The following SPNS3 variants were observed in gnomAD, a reference collection of about 807,000 sequenced individuals.
The protein encoded by SPNS3 is SPNS lysolipid transporter 3, sphingosine-1-phosphate (putative).
Under a neutral mutation model 54.4 loss-of-function variants are expected in SPNS3, and 51 were observed. The observed-to-expected ratio is 0.94, with a 90% CI of 0.75 to 1.18. SPNS3 has a LOEUF of 1.18. Ranked by LOEUF, SPNS3 falls within the 50% of genes most tolerant of loss-of-function variation. The probability of loss-of-function intolerance (pLI) is 0.00; values close to 1 mark genes in which losing one functional copy is unlikely to be tolerated. For synonymous variants in SPNS3, 309 were observed against 294.7 expected (o/e 1.05, Z -0.50); for missense variants, 669 against 677.4 (o/e 0.99, Z 0.14).
At chr17:4,456,461 A>G (rs1415987406) in intron 8 of SPNS3, among the ~76,000 whole-genome samples, 1 of 152,214 alleles carries the variant, frequency 6.6e-6, no homozygotes, top group African/African-American at 2.4e-5. Flanking sequence ...TCTCTTCTGC[A>G]CGTGCTCTTA....
intron 8 of SPNS3, among the ~76,000 whole-genome samples, chr17:4,477,168 G>C (rs1355811766): frequency 6.6e-6 from 1 of 152,254 alleles, no homozygotes; most frequent in Non-Finnish European, 1.5e-5. Flanking sequence ...CACGGCGTGG[G>C]GGGTGGGGGG....
In SPNS3 at chr17:4,453,216, G is replaced by A. The variant is rs201321679; in HGVS notation, c.1113+11G>A. ...CTGCTGGCCTCCTATGTAAGTGAGA[G>A]CCTCTATGGAGGTGGGGACAGGGTT... On this transcript the variant is annotated intron_variant, in intron 8 of 11. Transcript: ENST00000355530. 1 of 1,607,956 alleles carries A rather than the reference G, an allele frequency of 6.2e-7. No individual in the cohort carries two copies. Among genetic ancestry groups the A allele is most frequent in the South Asian group, 1.1e-5 (1 of 90,808 alleles).
chr17:4,480,716 G>GT (rs1327308337), intron 9 of SPNS3, among the ~76,000 whole-genome samples: 1 of 152,162 alleles, frequency 6.6e-6, no homozygotes, highest in African/African-American at 2.4e-5. Flanking sequence ...CAGCTGCACA[G>GT]TTTTACCCAT....
chr17:4,464,855 AT>A (rs1971636428), intron 8 of SPNS3, among the ~76,000 whole-genome samples: 1 of 151,758 alleles, frequency 6.6e-6, no homozygotes, highest in Admixed American at 6.6e-5. Flanking sequence ...GACTTTTGGT[AT>A]TTTTAGTAGA....
chr17:4,478,590 G>T lies in SPNS3; in HGVS notation c.1132G>T (p.Glu378Ter), dbSNP rs1972074483. 2 of 1,583,386 alleles carry T rather than the reference G, an allele frequency of 1.3e-6. No individual in the cohort carries two copies. The highest frequency in any genetic ancestry group is 2.3e-5 in the East Asian group (1 of 43,926). ...LASYVFLGLGELLLSCNWAVV... is the reference protein window; with the variant it reads ...LASYVFLGLG ...TCCACAGGTGTTCCTGGGCCTTGGG[G>T]AGCTGCTTCTGTCCTGCAACTGGGC... Residue 378 changes from glutamate to a stop codon, truncating the protein, a stop_gained, in exon 9 of 12, where the codon GAG becomes TAG. Transcript: ENST00000355530. LOFTEE classifies it high-confidence loss of function.
At chr17:4,435,584 C>T (rs998678414) in intron 1 of SPNS3, among the ~76,000 whole-genome samples, 1 of 151,838 alleles carries the variant, frequency 6.6e-6, no homozygotes, top group Non-Finnish European at 1.5e-5. Context: ...AGGCAGAGGC[C>T]CCCAGGTTCT....
chr17:4,435,980 C>T (rs960874369), intron 1 of SPNS3, among the ~76,000 whole-genome samples: 3 of 151,976 alleles, frequency 2.0e-5, no homozygotes, highest in African/African-American at 7.3e-5. Flanking sequence ...TCCACTTGCT[C>T]TTCTCTTCTT....
chr17:4,467,773 C>G (rs1376448328), intron 8 of SPNS3, among the ~76,000 whole-genome samples: 1 of 152,192 alleles, frequency 6.6e-6, no homozygotes, highest in Non-Finnish European at 1.5e-5. Context: ...TCAAGTGATT[C>G]TTCTGCCTCA....
chr17:4,446,941 G>C lies in SPNS3; in HGVS notation c.600G>C (p.Gly200=). Residue 200 remains glycine (G), a synonymous_variant, in exon 5 of 12, where the codon GGG becomes GGC. Coordinates refer to ENST00000355530, the MANE Select transcript of SPNS3 (RefSeq NM_182538.5). ...GGTCGGCTGTGACGATGCTGACTGGGAACTGGCGCTGGGCCCTCCGAGTGA... is the reference window on the plus strand; with the variant it reads ...GGTCGGCTGTGACGATGCTGACTGGCAACTGGCGCTGGGCCCTCCGAGTGA... ...VLGSAVTMLT[G]NWRWALRVMP... The C allele has an allele frequency of 6.2e-7, 1 of 1,614,118 alleles. No individual in the cohort carries two copies. Among genetic ancestry groups the C allele is most frequent in the Non-Finnish European group, 8.5e-7 (1 of 1,180,008 alleles).
chr17:4,458,010 C>T (rs1021028684), intron 8 of SPNS3, among the ~76,000 whole-genome samples: 2 of 152,032 alleles, frequency 1.3e-5, no homozygotes, highest in African/African-American at 2.4e-5. Context: ...GATGCCATCC[C>T]GCCCCCACCC....
intron 8 of SPNS3, among the ~76,000 whole-genome samples, chr17:4,459,356 CATTT>C (rs1302260494): frequency 6.6e-6 from 1 of 152,090 alleles, no homozygotes; most frequent in African/African-American, 2.4e-5. Context: ...TGTTTGTATT[CATTT>C]GTTTATTCAA....
At chr17:4,448,007 G>T (rs1971043057) in intron 5 of SPNS3, 148 bp from the exon 6 acceptor site, 5 of 658,020 alleles carry the variant, frequency 7.6e-6, no homozygotes, top group Non-Finnish European at 1.2e-5. Flanking sequence ...GTGGATACCA[G>T]CATCCAGGAA....
intron 8 of SPNS3, 106 bp from the exon 9 acceptor site, chr17:4,478,466 C>T (rs1972069416): frequency 9.9e-7 from 1 of 1,009,954 alleles, no homozygotes; most frequent in Non-Finnish European, 1.5e-6. Context: ...TCAATAATGC[C>T]TTTCTCTGTA....
chr17:4,450,500 A>G (rs1971134606), intron 7 of SPNS3, among the ~76,000 whole-genome samples: 1 of 151,292 alleles, frequency 6.6e-6, no homozygotes, highest in Non-Finnish European at 1.5e-5. Context: ...TGCAGCCTCG[A>G]CCTCCCAGGC....
chr17:4,465,460 G>T (rs529443025), intron 8 of SPNS3, among the ~76,000 whole-genome samples: 1 of 152,230 alleles, frequency 6.6e-6, no homozygotes, highest in South Asian at 2.1e-4. Context: ...ATGCGCAGTG[G>T]CTCATGCTTG....
intron 8 of SPNS3, 146 bp from the exon 9 acceptor site, chr17:4,478,426 C>A: frequency 1.4e-6 from 1 of 694,372 alleles, no homozygotes; most frequent in Non-Finnish European, 2.4e-6. Flanking sequence ...AAAAATAGTT[C>A]TAGGCCTTCC....
chr17:4,434,322 G>A (rs563681886), intron 1 of SPNS3, among the ~76,000 whole-genome samples, 156 bp downstream of exon 1: 2 of 152,258 alleles, frequency 1.3e-5, no homozygotes, highest in Non-Finnish European at 1.5e-5. Flanking sequence ...AGCTGTGCTC[G>A]AATCGGGGAG....
chr17:4,480,053 T>C (rs1402366302), intron 9 of SPNS3, among the ~76,000 whole-genome samples: 2 of 152,252 alleles, frequency 1.3e-5, no homozygotes, highest in East Asian at 3.8e-4. Context: ...AAACCCTGCT[T>C]GAATACTACT....
At position 4,446,164 on chromosome 17, in the gene SPNS3, G is replaced by T. The variant is rs751319324; in HGVS notation, c.519G>T (p.Val173=). The T allele has an allele frequency of 6.2e-7, 1 of 1,613,042 alleles. No individual in the cohort carries two copies. The highest frequency in any genetic ancestry group is 8.5e-7 in the Non-Finnish European group (1 of 1,179,206). ...TCGTGAGGGACCAGCGCACCCGCGT[G>T]CTGGCTGTCTTCTACATCTTTATCC... ...DLFVRDQRTR[V]LAVFYIFIPV... Residue 173 remains valine, a synonymous_variant, in exon 4 of 12, where the codon GTG becomes GTT. Coordinates refer to ENST00000355530, the MANE Select transcript of SPNS3 (RefSeq NM_182538.5).
Sources: allele counts gnomAD v4.1 joint callset (sites outside exome capture counted in the v4.1 genomes callset), GRCh38; gene constraint gnomAD v4.1.1; transcripts MANE v1.5; gene names NCBI Gene and HGNC (gene_info 2026-07-23, HGNC 2026-07-21).